CCSER1: variants seen among roughly 807,000 people sequenced by gnomAD.
CCSER1 encodes serine-rich coiled-coil domain-containing protein 1.
A neutral mutation model predicts 82.0 loss-of-function variants in CCSER1; 41 were observed. That is an observed-to-expected ratio of 0.50 (90% CI 0.39 to 0.65). The LOEUF (loss-of-function observed/expected upper bound fraction) is 0.65. CCSER1 is among the 30% of genes least tolerant of loss of function. CCSER1 has a pLI of 0.00. For synonymous variants in CCSER1, 414 were observed against 383.9 expected, an observed-to-expected ratio of 1.08 and a Z score of -0.92; for missense variants, 1,119 against 1,064.2, an observed-to-expected ratio of 1.05 and a Z score of -0.72.
intron 8 of CCSER1, among the ~76,000 whole-genome samples, chr4:90,854,290 G>A (rs1271301913): frequency 6.6e-6 from 1 of 152,124 alleles, no homozygotes; most frequent in Non-Finnish European, 1.5e-5. Context: ...TGCAAATCCT[G>A]GATAAGGATA....
At position 90,245,714 on chromosome 4, in the gene CCSER1, C is replaced by T. The variant is rs553422544; in HGVS notation, c.-41-62530C>T. Among the ~76,000 whole-genome samples the T allele has an allele frequency of 2.6e-5, 4 of 152,220 alleles. No homozygotes were observed. The South Asian group carries it at 6.2e-4, about 24-fold the overall frequency. ...CTGTTTTTGGCTCTATAACTGACTTCCTTCAGACCAACTTCATATACTCTC... is the reference window on the plus strand; with the variant it reads ...CTGTTTTTGGCTCTATAACTGACTTTCTTCAGACCAACTTCATATACTCTC... On this transcript the variant is annotated intron_variant, in intron 1 of 10. Coordinates refer to ENST00000509176, the MANE Select transcript of CCSER1 (RefSeq NM_001145065.2).
At chr4:90,784,463 A>T (rs1754206634) in intron 7 of CCSER1, among the ~76,000 whole-genome samples, 1 of 152,200 alleles carries the variant, frequency 6.6e-6, no homozygotes, top group African/African-American at 2.4e-5. Flanking sequence ...GATGAAAATG[A>T]TGTGTTCTAA....
intron 10 of CCSER1, among the ~76,000 whole-genome samples, chr4:91,241,683 T>A (rs1359098033): frequency 6.6e-6 from 1 of 152,132 alleles, no homozygotes; most frequent in Admixed American, 6.6e-5. Context: ...TATACATGTG[T>A]TTTCATATCC....
At chr4:90,270,005 A>T (rs1725959654) in intron 1 of CCSER1, among the ~76,000 whole-genome samples, 1 of 152,056 alleles carries the variant, frequency 6.6e-6, no homozygotes. Flanking sequence ...GACCAGAAAC[A>T]AGTAATGAGA....
chr4:90,956,505 T>C (rs1733449132), intron 9 of CCSER1, among the ~76,000 whole-genome samples: 1 of 152,178 alleles, frequency 6.6e-6, no homozygotes, highest in Non-Finnish European at 1.5e-5. Context: ...CTAAAATGAT[T>C]CCTTTTTAAA....
intron 10 of CCSER1, among the ~76,000 whole-genome samples, chr4:91,263,652 A>G (rs1239530717): frequency 1.3e-5 from 2 of 151,950 alleles, no homozygotes; most frequent in African/African-American, 4.8e-5. Context: ...TATATATTGA[A>G]ATTATTTTAA....
At chr4:91,023,721 G>A (rs1412234636) in intron 9 of CCSER1, among the ~76,000 whole-genome samples, 2 of 152,038 alleles carry the variant, frequency 1.3e-5, no homozygotes, top group Non-Finnish European at 2.9e-5. Flanking sequence ...GAAAACCTAG[G>A]CAATACCATT....
chr4:90,300,001 C>T (rs1348792705), intron 1 of CCSER1, among the ~76,000 whole-genome samples: 1 of 151,840 alleles, frequency 6.6e-6, no homozygotes, highest in Middle Eastern at 3.2e-3. Flanking sequence ...TTTATTTTCA[C>T]CAAGTATAAT....
At chr4:91,405,332 G>A (rs1752628960) in intron 10 of CCSER1, among the ~76,000 whole-genome samples, 1 of 151,730 alleles carries the variant, frequency 6.6e-6, no homozygotes, top group Admixed American at 6.6e-5. Flanking sequence ...AGACTTAAAT[G>A]TTAGACCTAA....
chr4:91,247,979 G>A (rs1490129299), intron 10 of CCSER1, among the ~76,000 whole-genome samples: 1 of 152,098 alleles, frequency 6.6e-6, no homozygotes, highest in Non-Finnish European at 1.5e-5. Flanking sequence ...AGATAATCTT[G>A]GAGCATTATG....
chr4:91,337,107 A>G (rs1747375433), intron 10 of CCSER1, among the ~76,000 whole-genome samples: 1 of 152,100 alleles, frequency 6.6e-6, no homozygotes, highest in Non-Finnish European at 1.5e-5. Context: ...GCTGCTAACT[A>G]TGCTAAAGTC....
chr4:91,441,548 T>G (rs1156268468), intron 10 of CCSER1, among the ~76,000 whole-genome samples: 1 of 152,178 alleles, frequency 6.6e-6, no homozygotes, highest in African/African-American at 2.4e-5. Flanking sequence ...GCATTCCCTT[T>G]GAAAACTGGC....
At chr4:90,438,937 G>A (rs569393519) in intron 4 of CCSER1, among the ~76,000 whole-genome samples, 217 of 152,240 alleles carry the variant, frequency 1.4e-3, no homozygotes, top group African/African-American at 5.0e-3. Context: ...ATGAGAAACA[G>A]CACTTTTTAT....
rs562345793 is a variant in CCSER1 at position 91,379,430 on chromosome 4, G to T, written c.2218-219142G>T. 2.0e-4 allele frequency among the ~76,000 whole-genome samples: 31 copies of T among 152,186 alleles called. No individual in the cohort carries two copies. In the South Asian group the frequency reaches 5.2e-3, roughly 25 times the overall value. Reference sequence around the variant, plus strand: ...TCTTAATTATTGCCTCAATTTCAGAGCCTGTTATTGGTCTATTCAGGGATT... The same window carrying T: ...TCTTAATTATTGCCTCAATTTCAGATCCTGTTATTGGTCTATTCAGGGATT... On this transcript the variant is annotated intron_variant, in intron 10 of 10. Transcript: ENST00000509176.
intron 7 of CCSER1, among the ~76,000 whole-genome samples, chr4:90,801,832 T>C (rs577643234): frequency 1.1e-4 from 17 of 152,210 alleles, no homozygotes; most frequent in Non-Finnish European, 2.5e-4. Context: ...CTAAGAATCA[T>C]TTGTTTAGTT....
At chr4:91,333,007 T>A (rs1024157265) in intron 10 of CCSER1, among the ~76,000 whole-genome samples, 3 of 152,072 alleles carry the variant, frequency 2.0e-5, no homozygotes, top group Non-Finnish European at 4.4e-5. Context: ...AACTTAACTC[T>A]CATGGGAGAA....
At chr4:90,236,151 A>G (rs901944220) in intron 1 of CCSER1, among the ~76,000 whole-genome samples, 3 of 151,672 alleles carry the variant, frequency 2.0e-5, no homozygotes, top group African/African-American at 7.3e-5. Flanking sequence ...CTGCTCTTGA[A>G]CTCTTGAGCT....
At chr4:91,440,245 C>A (rs1306482043) in intron 10 of CCSER1, among the ~76,000 whole-genome samples, 1 of 152,056 alleles carries the variant, frequency 6.6e-6, no homozygotes, top group Non-Finnish European at 1.5e-5. Flanking sequence ...CATAAAAGAA[C>A]AGAAATTAGA....
At chr4:90,350,042 G>A (rs1161896308) in intron 3 of CCSER1, among the ~76,000 whole-genome samples, 2 of 152,072 alleles carry the variant, frequency 1.3e-5, no homozygotes, top group East Asian at 1.9e-4. Flanking sequence ...TTTCAAAAAT[G>A]TTTAAAACAA....
Sources: allele counts gnomAD v4.1 joint callset (sites outside exome capture counted in the v4.1 genomes callset), GRCh38; gene constraint gnomAD v4.1.1; transcripts MANE v1.5; gene names NCBI Gene and HGNC (gene_info 2026-07-23, HGNC 2026-07-21).